DDC: variants seen among roughly 807,000 people sequenced by gnomAD.
DDC encodes the protein dopa decarboxylase.
In DDC, 43 loss-of-function variants were observed where a neutral mutation model predicts 60.0. The observed-to-expected ratio is 0.72, with a 90% CI of 0.56 to 0.92. The LOEUF is 0.92. Ranked by LOEUF, DDC falls within the 40% of genes least tolerant of loss-of-function variation. The probability of loss-of-function intolerance (pLI) is 0.00; values close to 1 mark genes in which losing one functional copy is unlikely to be tolerated. For synonymous variants in DDC, 232 were observed against 234.6 expected (o/e 0.99, Z 0.10); for missense variants, 573 against 620.2 (o/e 0.92, Z 0.81).
At chr7:50,528,046 G>A (rs920258844) in intron 6 of DDC, 91 bp downstream of exon 6, 15 of 1,444,458 alleles carry the variant, frequency 1.0e-5, no homozygotes, top group Non-Finnish European at 1.3e-5. Context: ...ACAAGAATGC[G>A]CCACCATGCC....
chr7:50,531,886 G>A (rs1211848011), intron 4 of DDC: 4 of 152,236 alleles, frequency 2.6e-5, no homozygotes, highest in Non-Finnish European at 4.4e-5. Flanking sequence ...TCAGGAGGTA[G>A]GAGGGGATGC....
intron 6 of DDC, among the ~76,000 whole-genome samples, chr7:50,513,571 C>A (rs1354403362): frequency 6.6e-6 from 1 of 152,128 alleles, no homozygotes; most frequent in East Asian, 1.9e-4. Context: ...AAGTAGGTAG[C>A]CTGGGGCAAG....
At chr7:50,487,358 G>T (rs565543074) in intron 9 of DDC, among the ~76,000 whole-genome samples, 1 of 152,212 alleles carries the variant, frequency 6.6e-6, no homozygotes, top group South Asian at 2.1e-4. Flanking sequence ...ATTTTTCAGG[G>T]AGAATTAGGG....
Position 50,459,609 on chromosome 7 carries a change from G to A in DDC, c.*19-766C>T, listed in dbSNP as rs577702722. ...ATGTGGGGAGCGCCTCTGCCCCGCC[G>A]CCCCGTCTGGGATGTGAGGAGCGCC... is the stretch of plus-strand genomic sequence containing the variant. On this transcript the variant is annotated intron_variant, in intron 14 of 14. Transcript: ENST00000444124. 48 of 166,572 alleles carry A rather than the reference G, an allele frequency of 2.9e-4. No homozygotes were observed. The East Asian group carries it at 6.9e-3, about 24-fold the overall frequency. The allele number at this position is 166,572 out of a possible 1,614,324, so 10.3% of individuals were successfully genotyped here. A position where few individuals can be genotyped will look rare whatever the true frequency, so the allele number is the denominator to read the frequency against.
intron 1 of DDC, among the ~76,000 whole-genome samples, chr7:50,550,299 T>C (rs970336832): frequency 1.3e-4 from 20 of 152,240 alleles, no homozygotes; most frequent in African/African-American, 4.3e-4. Flanking sequence ...TAGCAATACA[T>C]TATTTTTAAA....
intron 6 of DDC, among the ~76,000 whole-genome samples, chr7:50,512,750 T>C (rs1248812102): frequency 3.3e-5 from 5 of 152,236 alleles, no homozygotes; most frequent in Non-Finnish European, 7.3e-5. Context: ...CTTATCCAAC[T>C]GAAGTGACTT....
intron 6 of DDC, among the ~76,000 whole-genome samples, chr7:50,510,847 G>A (rs917097869): frequency 6.6e-6 from 1 of 151,432 alleles, no homozygotes; most frequent in African/African-American, 2.4e-5. Flanking sequence ...TGGGCGCGGT[G>A]GTGGGCGCCT....
intron 6 of DDC, among the ~76,000 whole-genome samples, chr7:50,514,931 C>G (rs953401611): frequency 3.3e-5 from 5 of 152,056 alleles, no homozygotes; most frequent in African/African-American, 1.2e-4. Flanking sequence ...TTATGTTGAA[C>G]CTAAGAATAA....
At chr7:50,478,295 G>A (rs1446934681) in intron 10 of DDC, among the ~76,000 whole-genome samples, 1 of 152,066 alleles carries the variant, frequency 6.6e-6, no homozygotes, top group Admixed American at 6.6e-5. Context: ...TTCTATTACC[G>A]CACCATCTGA....
chr7:50,497,859 T>C (rs768647971), intron 8 of DDC, among the ~76,000 whole-genome samples: 2 of 152,208 alleles, frequency 1.3e-5, no homozygotes, highest in African/African-American at 2.4e-5. Context: ...ACTTCATTGA[T>C]TAGTAGTAAG....
At chr7:50,464,599 T>C (rs1391425994) in intron 13 of DDC, among the ~76,000 whole-genome samples, 1 of 152,046 alleles carries the variant, frequency 6.6e-6, no homozygotes, top group Non-Finnish European at 1.5e-5. Context: ...TTAGGAAAAA[T>C]GTGCTTGCCA....
rs150235394 is a variant in DDC, at chr7:50,483,170, G to C, written c.945-3307C>G. Among the ~76,000 whole-genome samples, 839 of 152,184 alleles carry C rather than the reference G, an allele frequency of 5.5e-3. 8 individuals carry two copies. Among genetic ancestry groups the C allele is most frequent in the African/African-American group, 0.019 (809 of 41,524 alleles). On this transcript the variant is annotated intron_variant, in intron 9 of 14. Transcript: ENST00000444124. ...TGGTAGTTACCTTTTATCAGATTAAGAAGTTCTCTGCTGTTCCGATTTTAC... is the reference window on the plus strand; with the variant it reads ...TGGTAGTTACCTTTTATCAGATTAACAAGTTCTCTGCTGTTCCGATTTTAC...
chr7:50,508,764 G>C (rs1690930988), intron 6 of DDC, among the ~76,000 whole-genome samples: 1 of 152,146 alleles, frequency 6.6e-6, no homozygotes, highest in African/African-American at 2.4e-5. Flanking sequence ...TAACCACAAG[G>C]GCACAGCTGG....
chr7:50,528,444 G>A (rs1437991056), intron 5 of DDC, among the ~76,000 whole-genome samples, 164 bp from the exon 6 acceptor site: 2 of 152,142 alleles, frequency 1.3e-5, no homozygotes, highest in African/African-American at 4.8e-5. Context: ...GCACCTTCAT[G>A]AGACCCCTTT....
chr7:50,465,036 G>T (rs1562978809), intron 13 of DDC, among the ~76,000 whole-genome samples: 1 of 152,156 alleles, frequency 6.6e-6, no homozygotes, highest in Non-Finnish European at 1.5e-5. Flanking sequence ...TTCATGAGAG[G>T]ACTCACTATA....
At chr7:50,525,415 C>T (rs1041824164) in intron 6 of DDC, among the ~76,000 whole-genome samples, 8 of 152,138 alleles carry the variant, frequency 5.3e-5, no homozygotes, top group Non-Finnish European at 7.4e-5. Flanking sequence ...AGGGTTAGTA[C>T]GCAGAATTTC....
At chr7:50,529,580 A>G (rs1285948559) in intron 4 of DDC, among the ~76,000 whole-genome samples, 2 of 152,156 alleles carry the variant, frequency 1.3e-5, no homozygotes, top group Admixed American at 6.5e-5. Flanking sequence ...AGCAGCAGCT[A>G]ACATTTCTGA....
At chr7:50,499,992 C>T (rs11575383) in intron 7 of DDC, among the ~76,000 whole-genome samples, 1 of 152,120 alleles carries the variant, frequency 6.6e-6, no homozygotes, top group African/African-American at 2.4e-5. Context: ...AAGGGATGAG[C>T]AAGGGAATAT....
At chr7:50,472,368 A>G (rs1468792504) in intron 11 of DDC, among the ~76,000 whole-genome samples, 3 of 152,254 alleles carry the variant, frequency 2.0e-5, no homozygotes, top group African/African-American at 7.2e-5. Flanking sequence ...TTCTTTATGT[A>G]GAAGTCAATT....
Sources: gnomAD v4.1 joint callset for allele counts (sites outside exome capture counted in the v4.1 genomes callset) on GRCh38, gnomAD v4.1.1 for gene constraint, MANE v1.5 for transcripts, NCBI Gene and HGNC (gene_info 2026-07-23, HGNC 2026-07-21) for gene names.